MORN2: variants seen among roughly 807,000 people sequenced by gnomAD.
MORN2 encodes MORN repeat containing 2, also known as MORN repeat-containing protein 2.
A neutral mutation model predicts 13.4 loss-of-function variants in MORN2; 15 were observed. That is an observed-to-expected ratio of 1.12 (90% CI 0.75 to 1.72). MORN2 has a LOEUF of 1.72. Ranked by LOEUF, MORN2 falls within the 40% of genes most tolerant of loss-of-function variation. The pLI is 0.00. For synonymous variants in MORN2, 46 were observed against 43.6 expected, an observed-to-expected ratio of 1.06 and a Z score of -0.22; for missense variants, 168 against 134.6, an observed-to-expected ratio of 1.25 and a Z score of -1.23.
chr2:38,878,678 T>C (rs879421641), intron 1 of MORN2, among the ~76,000 whole-genome samples: 8 of 152,216 alleles, frequency 5.3e-5, no homozygotes, highest in Admixed American at 1.3e-4. Context: ...TCACCAATTA[T>C]ATTATTCATT....
chr2:38,878,370 A>T (rs533163121), intron 1 of MORN2, among the ~76,000 whole-genome samples: 8 of 152,250 alleles, frequency 5.3e-5, no homozygotes, highest in Middle Eastern at 6.8e-3. Flanking sequence ...TCCCATTTGT[A>T]GTCCAAGCAG....
chr2:38,878,596 T>TAAGCAC (rs1164822971), intron 1 of MORN2, among the ~76,000 whole-genome samples: 1 of 152,200 alleles, frequency 6.6e-6, no homozygotes, highest in African/African-American at 2.4e-5. Context: ...TTTTTCAACC[T>TAAGCAC]AATGTTCCAG....
chr2:38,878,758 C>T (rs1361128808), intron 1 of MORN2, among the ~76,000 whole-genome samples: 2 of 152,034 alleles, frequency 1.3e-5, no homozygotes, highest in Admixed American at 1.3e-4. Flanking sequence ...TAATACTCTC[C>T]CTTTCTCTCT....
At position 38,880,232 on chromosome 2, in the gene MORN2, A is replaced by G. The variant is rs1665745032; in HGVS notation, c.109+3A>G. On this transcript the variant is annotated splice_donor_region_variant and intron_variant, in intron 2 of 4. Transcript: ENST00000644631. The stretch of plus-strand genomic sequence containing the variant: ...CTTTCCAAATGGAGACAAGTATGGT[A>G]AGTATACGCTTCAATTACTTTTTCT... The G allele has an allele frequency of 2.5e-6, 1 of 399,052 alleles. No individual in the cohort carries two copies. The highest frequency in any genetic ancestry group is 4.4e-5 in the Admixed American group (1 of 22,736). The allele number at this position is 399,052 out of a possible 1,614,324, so 24.7% of individuals were successfully genotyped here.
intron 1 of MORN2, among the ~76,000 whole-genome samples, chr2:38,876,407 A>C (rs557318933): frequency 6.6e-6 from 1 of 152,204 alleles, no homozygotes; most frequent in Non-Finnish European, 1.5e-5. Flanking sequence ...CAAGTTTCGA[A>C]TGTAGAACAT....
At chr2:38,877,119 A>C (rs1362493253) in intron 1 of MORN2, among the ~76,000 whole-genome samples, 3 of 152,104 alleles carry the variant, frequency 2.0e-5, no homozygotes, top group Non-Finnish European at 4.4e-5. Flanking sequence ...TTAGTTAAAC[A>C]CTTAGAAAGT....
intron 1 of MORN2, among the ~76,000 whole-genome samples, chr2:38,877,523 A>T (rs1216282441): frequency 6.6e-6 from 1 of 152,104 alleles, no homozygotes; most frequent in Non-Finnish European, 1.5e-5. Context: ...TTTAGTGTTA[A>T]TTAGTGTCTA....
chr2:38,881,315 A>C (rs1049098131), intron 3 of MORN2, 127 bp from the exon 4 acceptor site: 1 of 768,078 alleles, frequency 1.3e-6, no homozygotes, highest in South Asian at 1.9e-5. Flanking sequence ...ATACTATGGA[A>C]ATAAAGGACA....
At chr2:38,880,508 A>T in intron 2 of MORN2, 92 bp from the exon 3 acceptor site, 1 of 652,544 alleles carries the variant, frequency 1.5e-6, no homozygotes, top group Non-Finnish European at 2.4e-6. Flanking sequence ...TTTCAGTGCT[A>T]GGGAGCCAAA....
chr2:38,881,769 G>A (rs1665782872), intron 4 of MORN2, among the ~76,000 whole-genome samples, 191 bp downstream of exon 4: 1 of 152,120 alleles, frequency 6.6e-6, no homozygotes, highest in Non-Finnish European at 1.5e-5. Flanking sequence ...TCTTGCCTCA[G>A]CCACCCAAGT....
chr2:38,876,036 C>T lies in MORN2; in HGVS notation c.-17C>T. On this transcript the variant is annotated 5_prime_UTR_variant, in exon 1 of 5. Transcript: ENST00000644631. ...CCTGGAGCTGTCCTAGCGCCTAGTT[C>T]TCTCCCGGCCGCAGAGCTGGCCGCC... is the stretch of plus-strand genomic sequence containing the variant. 5.0e-6 allele frequency: 2 copies of T among 398,764 alleles called. No homozygotes were observed. Among genetic ancestry groups the T allele is most frequent in the South Asian group, 1.3e-4 (1 of 7,860 alleles). 24.7% of individuals were successfully genotyped at this position (398,764 alleles called of 1,614,324 possible).
At chr2:38,878,763 C>G (rs1349943771) in intron 1 of MORN2, among the ~76,000 whole-genome samples, 2 of 152,146 alleles carry the variant, frequency 1.3e-5, no homozygotes, top group Non-Finnish European at 2.9e-5. Flanking sequence ...CTCTCCCTTT[C>G]TCTCTGAGGA....
chr2:38,876,501 A>C (rs753961548), intron 1 of MORN2, among the ~76,000 whole-genome samples: 2 of 152,206 alleles, frequency 1.3e-5, no homozygotes, highest in Non-Finnish European at 2.9e-5. Flanking sequence ...ATTCCTTCCG[A>C]AGTGCCCTTC....
At chr2:38,878,744 A>T (rs1665710524) in intron 1 of MORN2, among the ~76,000 whole-genome samples, 4 of 152,122 alleles carry the variant, frequency 2.6e-5, no homozygotes, top group Admixed American at 2.6e-4. Flanking sequence ...TATTTCAAGG[A>T]TACTAATACT....
chr2:38,882,208 G>C (rs1394540797), intron 4 of MORN2, among the ~76,000 whole-genome samples: 1 of 147,026 alleles, frequency 6.8e-6, no homozygotes, highest in Non-Finnish European at 1.5e-5. Flanking sequence ...TTTTTGTTTG[G>C]AATAGTATGT....
At chr2:38,876,918 G>A (rs914581713) in intron 1 of MORN2, among the ~76,000 whole-genome samples, 1 of 152,198 alleles carries the variant, frequency 6.6e-6, no homozygotes, top group East Asian at 1.9e-4. Context: ...CAGAGAAAAT[G>A]GTGGAGTCTG....
intron 3 of MORN2, among the ~76,000 whole-genome samples, chr2:38,881,163 A>T (rs907465469): frequency 4.6e-5 from 7 of 152,144 alleles, no homozygotes; most frequent in Non-Finnish European, 8.8e-5. Flanking sequence ...AAGATTTCTG[A>T]TACATTCAGG....
At chr2:38,877,720 G>T (rs1272215952) in intron 1 of MORN2, among the ~76,000 whole-genome samples, 2 of 146,638 alleles carry the variant, frequency 1.4e-5, no homozygotes, top group East Asian at 2.1e-4. Context: ...GGCTCAAGCA[G>T]TCCTCCCACC....
chr2:38,878,862 AT>A (rs1428631173), intron 1 of MORN2, among the ~76,000 whole-genome samples: 3 of 152,170 alleles, frequency 2.0e-5, no homozygotes, highest in Non-Finnish European at 4.4e-5. Flanking sequence ...ACCTAAATTA[AT>A]TTTTAAATTC....
Sources: allele counts gnomAD v4.1 joint callset (sites outside exome capture counted in the v4.1 genomes callset), GRCh38; gene constraint gnomAD v4.1.1; transcripts MANE v1.5; gene names NCBI Gene and HGNC (gene_info 2026-07-23, HGNC 2026-07-21).